Variants in PLCL1 observed in about 807,000 individuals in gnomAD.
PLCL1 encodes inactive phospholipase C-like protein 1.
Under a neutral mutation model 84.4 loss-of-function variants are expected in PLCL1, and 41 were observed. The observed-to-expected ratio is 0.49, with a 90% confidence interval of 0.38 to 0.63. The LOEUF (loss-of-function observed/expected upper bound fraction) is 0.63, where lower values mean the gene tolerates loss of function less well. PLCL1 is among the 30% of genes least tolerant of loss of function. PLCL1 has a pLI of 0.00. For missense variants in PLCL1, 1,206 were observed against 1,367.8 expected, an observed-to-expected ratio of 0.88 and a Z score of 1.87; for synonymous variants, 490 against 488.3, an observed-to-expected ratio of 1.00 and a Z score of -0.05.
intron 1 of PLCL1, among the ~76,000 whole-genome samples, chr2:197,968,683 C>G (rs969362854): frequency 4.6e-5 from 7 of 152,196 alleles, no homozygotes; most frequent in Admixed American, 6.5e-5. Flanking sequence ...AAAGCAGTCT[C>G]TCAATACCAG....
intron 1 of PLCL1, among the ~76,000 whole-genome samples, chr2:198,072,766 T>C (rs1574290195): frequency 6.6e-6 from 1 of 152,142 alleles, no homozygotes; most frequent in Admixed American, 6.5e-5. Flanking sequence ...AATTTACTTA[T>C]TGAATTACAT....
chr2:197,931,679 C>CCCAT lies in PLCL1; in HGVS notation c.240+126343_240+126344insTCCA, dbSNP rs1393473253. Reference sequence around the variant, plus strand: ...AACCAACCAACCAACCAACCAACCACCCACCCACCCACCCACCCACCCAAC... The same window carrying CCCAT: ...AACCAACCAACCAACCAACCAACCACCCATCCACCCACCCACCCACCCACCCAAC... On this transcript the variant is annotated intron_variant, in intron 1 of 5. Coordinates refer to ENST00000428675, the MANE Select transcript of PLCL1 (RefSeq NM_006226.4). Among the ~76,000 whole-genome samples, 57 of 95,140 alleles carry CCCAT rather than the reference C, an allele frequency of 6.0e-4. 2 individuals are homozygous for CCCAT. The highest frequency in any genetic ancestry group is 7.3e-4 in the Non-Finnish European group (34 of 46,260). 62.4% of individuals were successfully genotyped at this position (95,140 alleles called of 152,430 possible).
At chr2:197,994,518 G>A (rs1367685886) in intron 1 of PLCL1, among the ~76,000 whole-genome samples, 2 of 152,182 alleles carry the variant, frequency 1.3e-5, no homozygotes, top group Non-Finnish European at 2.9e-5. Flanking sequence ...GGGGATATAA[G>A]ATATGCTTTC....
chr2:197,895,445 A>T (rs182408268), intron 1 of PLCL1, among the ~76,000 whole-genome samples: 56 of 152,042 alleles, frequency 3.7e-4, no homozygotes, highest in African/African-American at 1.3e-3. Context: ...AAATTTCCAT[A>T]TGTAGAAATT....
intron 5 of PLCL1, among the ~76,000 whole-genome samples, chr2:198,129,696 C>T (rs969737486): frequency 7.9e-5 from 12 of 152,060 alleles, no homozygotes; most frequent in South Asian, 2.1e-4. Flanking sequence ...TGTATACAAA[C>T]GGGCTTTTCT....
At chr2:197,884,878 T>A (rs1332097592) in intron 1 of PLCL1, among the ~76,000 whole-genome samples, 3 of 152,058 alleles carry the variant, frequency 2.0e-5, no homozygotes, top group African/African-American at 7.2e-5. Context: ...ACAGAATGAT[T>A]TCCTAAAAAA....
At chr2:197,939,027 A>G (rs1185085936) in intron 1 of PLCL1, among the ~76,000 whole-genome samples, 1 of 152,200 alleles carries the variant, frequency 6.6e-6, no homozygotes, top group Non-Finnish European at 1.5e-5. Flanking sequence ...TTTCATAAGA[A>G]AATAACATAC....
At chr2:197,834,614 A>T (rs1691142985) in intron 1 of PLCL1, among the ~76,000 whole-genome samples, 1 of 152,232 alleles carries the variant, frequency 6.6e-6, no homozygotes, top group Admixed American at 6.5e-5. Flanking sequence ...ATCTCACGCC[A>T]GTTAGAATGG....
At chr2:197,987,912 A>G (rs2139050) in intron 1 of PLCL1, among the ~76,000 whole-genome samples, 27,496 of 152,088 alleles carry the variant, frequency 0.18, 2,579 homozygotes, top group East Asian at 0.26. Flanking sequence ...CTTATGTTGG[A>G]GAAGTTGATT....
At chr2:198,032,232 C>A (rs1691445939) in intron 1 of PLCL1, among the ~76,000 whole-genome samples, 1 of 152,132 alleles carries the variant, frequency 6.6e-6, no homozygotes, top group Non-Finnish European at 1.5e-5. Context: ...CAAAAGAAGT[C>A]AGCCTTTAAA....
intron 1 of PLCL1, among the ~76,000 whole-genome samples, chr2:198,050,843 C>A (rs975637575): frequency 7.2e-5 from 11 of 152,174 alleles, no homozygotes; most frequent in African/African-American, 2.4e-4. Flanking sequence ...GAACATCTGG[C>A]AACTATCTCT....
chr2:197,935,716 A>G (rs1607374), intron 1 of PLCL1, among the ~76,000 whole-genome samples: 109,559 of 152,032 alleles, frequency 0.72, 40,370 homozygotes, highest in African/African-American at 0.87. Context: ...CCTGTGACAC[A>G]CAATTTACCT....
intron 1 of PLCL1, among the ~76,000 whole-genome samples, chr2:198,045,567 G>T (rs1031341126): frequency 1.3e-5 from 2 of 152,130 alleles, no homozygotes; most frequent in African/African-American, 2.4e-5. Context: ...GACATGAAAA[G>T]AAATAATTGT....
chr2:198,001,182 C>T (rs1245561983), intron 1 of PLCL1, among the ~76,000 whole-genome samples: 2 of 152,144 alleles, frequency 1.3e-5, no homozygotes, highest in African/African-American at 2.4e-5. Flanking sequence ...GGAGATGACA[C>T]TGTGCAACCT....
intron 1 of PLCL1, among the ~76,000 whole-genome samples, chr2:197,863,280 A>T (rs1687468240): frequency 6.6e-6 from 1 of 152,086 alleles, no homozygotes. Context: ...CTGTTTATAA[A>T]ATTCAGTGTT....
chr2:198,103,967 CT>C, intron 5 of PLCL1, 31 bp downstream of exon 5: 1 of 1,061,266 alleles, frequency 9.4e-7, no homozygotes, highest in Non-Finnish European at 1.4e-6. Context: ...TCCCCTGTGC[CT>C]TTACTTTTCT....
chr2:197,959,748 A>AT (rs1689571303), intron 1 of PLCL1, among the ~76,000 whole-genome samples: 2 of 152,070 alleles, frequency 1.3e-5, no homozygotes, highest in Admixed American at 1.3e-4. Flanking sequence ...GGGAAAAAAA[A>AT]CAACAACAAA....
intron 1 of PLCL1, among the ~76,000 whole-genome samples, chr2:197,876,974 T>C (rs1240322854): frequency 6.6e-6 from 1 of 152,164 alleles, no homozygotes; most frequent in Non-Finnish European, 1.5e-5. Context: ...TTTTCAAGGT[T>C]GACATTTTTG....
chr2:197,965,800 C>G (rs773851608), intron 1 of PLCL1, among the ~76,000 whole-genome samples: 8 of 152,068 alleles, frequency 5.3e-5, no homozygotes, highest in Non-Finnish European at 1.2e-4. Context: ...TCTTTATTGA[C>G]CTATTGGCCA....
Sources: allele counts gnomAD v4.1 joint callset (sites outside exome capture counted in the v4.1 genomes callset), GRCh38; gene constraint gnomAD v4.1.1; transcripts MANE v1.5; gene names NCBI Gene and HGNC (gene_info 2026-07-23, HGNC 2026-07-21).